KLHL32: variants seen among roughly 807,000 people sequenced by gnomAD.
KLHL32 encodes kelch like family member 32, also known as kelch-like protein 32.
Under a neutral mutation model 64.8 loss-of-function variants are expected in KLHL32, and 35 were observed. The ratio of observed to expected loss-of-function variants is 0.54; its 90% CI spans 0.41 to 0.72. The LOEUF (loss-of-function observed/expected upper bound fraction) is 0.72. Among genes scored for constraint, KLHL32 ranks in the 30% least tolerant of loss-of-function variants. The pLI is 0.00. For synonymous variants in KLHL32, 259 were observed against 281.0 expected (o/e 0.92, Z 0.78); for missense variants, 589 against 768.5 (o/e 0.77, Z 2.76).
intron 7 of KLHL32, among the ~76,000 whole-genome samples, chr6:97,124,576 G>A (rs893090438): frequency 6.6e-6 from 1 of 152,150 alleles, no homozygotes; most frequent in African/African-American, 2.4e-5. Context: ...ATACAGTAGT[G>A]TAAGTATTTT....
intron 3 of KLHL32, among the ~76,000 whole-genome samples, chr6:97,015,842 C>T (rs952751401): frequency 2.6e-5 from 4 of 152,074 alleles, no homozygotes; most frequent in Admixed American, 6.6e-5. Context: ...TGGGTCGGCC[C>T]GTCACTATGT....
the KLHL32 span, among the ~76,000 whole-genome samples, chr6:96,904,693 A>G: frequency 2.2e-3 from 330 of 152,352 alleles, 10 homozygotes; most frequent in East Asian, 0.027. Context: ...AATAGCCAAT[A>G]GATTTTAGAA....
intron 7 of KLHL32, among the ~76,000 whole-genome samples, chr6:97,115,197 G>A (rs1306726504): frequency 6.6e-6 from 1 of 152,096 alleles, no homozygotes; most frequent in Non-Finnish European, 1.5e-5. Flanking sequence ...TGTAATTTTT[G>A]TCAAGGCAGG....
At chr6:97,024,658 G>A (rs1000830347) in intron 3 of KLHL32, among the ~76,000 whole-genome samples, 2 of 151,910 alleles carry the variant, frequency 1.3e-5, no homozygotes, top group Non-Finnish European at 2.9e-5. Context: ...TCATTATCGC[G>A]TTTATAATTA....
intron 2 of KLHL32, among the ~76,000 whole-genome samples, chr6:96,968,235 C>T (rs111972356): frequency 2.0e-5 from 3 of 152,088 alleles, no homozygotes; most frequent in Admixed American, 1.3e-4. Context: ...CACCAGTGTA[C>T]GTTGTGCAAT....
At chr6:96,928,821 G>A (rs1220566663) in intron 1 of KLHL32, among the ~76,000 whole-genome samples, 1 of 152,106 alleles carries the variant, frequency 6.6e-6, no homozygotes, top group African/African-American at 2.4e-5. Context: ...TTCTAGTAGA[G>A]TCATAGACTT....
intron 5 of KLHL32, among the ~76,000 whole-genome samples, chr6:97,077,761 T>A (rs1371411575): frequency 6.6e-6 from 1 of 152,222 alleles, no homozygotes; most frequent in Non-Finnish European, 1.5e-5. Context: ...TCATGTAAAG[T>A]CATAGATGTG....
At chr6:97,094,550 A>G (rs188775339) in intron 6 of KLHL32, among the ~76,000 whole-genome samples, 73 of 152,330 alleles carry the variant, frequency 4.8e-4, no homozygotes, top group African/African-American at 1.7e-3. Context: ...TGCATTCTCC[A>G]TGGTGAGGAT....
chr6:97,037,004 A>G lies in KLHL32; in HGVS notation c.205-4488A>G, dbSNP rs567568960. On this transcript the variant is annotated intron_variant, in intron 3 of 10. Coordinates refer to ENST00000369261, the MANE Select transcript of KLHL32 (RefSeq NM_052904.4). Reference sequence around the variant, plus strand: ...ACATCCTCAGTTCTAAAAAATGTTCAATTTTTAAAATTTATGATAAAGTAA... The same window carrying G: ...ACATCCTCAGTTCTAAAAAATGTTCGATTTTTAAAATTTATGATAAAGTAA... Among the ~76,000 whole-genome samples the G allele has an allele frequency of 2.0e-5, 3 of 152,354 alleles. No homozygotes were observed. The South Asian group carries it at 6.2e-4, about 32-fold the overall frequency.
At chr6:97,111,313 C>T (rs150347021) in intron 6 of KLHL32, among the ~76,000 whole-genome samples, 2 of 152,370 alleles carry the variant, frequency 1.3e-5, no homozygotes, top group East Asian at 3.9e-4. Flanking sequence ...GCATTTTACT[C>T]ACCCTTCTGA....
Position 97,053,038 on chromosome 6 carries a change from C to T in KLHL32, c.312+11439C>T, listed in dbSNP as rs186189108. On this transcript the variant is annotated intron_variant, in intron 4 of 10. Coordinates refer to ENST00000369261, the MANE Select transcript of KLHL32 (RefSeq NM_052904.4). ...CTTTTTCAGTTTTGATGCTAGGAAG[C>T]ATAGAGCCACATTGTGACCCACTTA... Among the ~76,000 whole-genome samples the T allele has an allele frequency of 1.5e-4, 23 of 152,072 alleles. 1 individual carries two copies. The East Asian group carries it at 3.7e-3, about 24-fold the overall frequency.
At chr6:96,915,185 A>G in the KLHL32 span, among the ~76,000 whole-genome samples, 4 of 152,102 alleles carry the variant, frequency 2.6e-5, no homozygotes, top group African/African-American at 9.7e-5. Flanking sequence ...ACTGAAATTT[A>G]TAATTTAATC....
intron 1 of KLHL32, among the ~76,000 whole-genome samples, chr6:96,936,858 C>T (rs149802161): frequency 5.8e-4 from 89 of 152,232 alleles, no homozygotes; most frequent in African/African-American, 2.0e-3. Context: ...GTAATACCCT[C>T]GGCCTGGAAT....
chr6:97,112,034 G>A (rs1172002531), intron 6 of KLHL32, among the ~76,000 whole-genome samples: 1 of 152,018 alleles, frequency 6.6e-6, no homozygotes, highest in Admixed American at 6.6e-5. Flanking sequence ...TACAGGATGG[G>A]GGGGTGGGGT....
At chr6:97,137,742 G>A (rs896667150) in intron 10 of KLHL32, among the ~76,000 whole-genome samples, 7 of 152,102 alleles carry the variant, frequency 4.6e-5, no homozygotes, top group Non-Finnish European at 8.8e-5. Context: ...CACCATGTTA[G>A]CCAGGATGGT....
rs1369006139 is a variant in KLHL32 at position 97,140,621 on chromosome 6, A to G, written c.*1339A>G. 1 of 152,018 alleles carries G rather than the reference A, an allele frequency of 6.6e-6. No individual in the cohort carries two copies. Among genetic ancestry groups the G allele is most frequent in the East Asian group, 1.9e-4 (1 of 5,200 alleles). The allele number at this position is 152,018 out of a possible 1,614,324, so 9.4% of individuals were successfully genotyped here. On this transcript the variant is annotated 3_prime_UTR_variant, in exon 11 of 11. Transcript: ENST00000369261. ...TCAGGACCTAGGTCACCTTTATTAA[A>G]AGGAAGAATTCACTCTTTTTTCCTT...
At chr6:97,074,300 T>C (rs930939600) in intron 5 of KLHL32, among the ~76,000 whole-genome samples, 1 of 152,180 alleles carries the variant, frequency 6.6e-6, no homozygotes, top group African/African-American at 2.4e-5. Context: ...GGGATGCTGA[T>C]GTCTGAACTA....
chr6:96,940,977 T>C (rs1439491610), intron 1 of KLHL32, among the ~76,000 whole-genome samples: 3 of 152,200 alleles, frequency 2.0e-5, no homozygotes, highest in Non-Finnish European at 4.4e-5. Flanking sequence ...ATGTGAAATG[T>C]ACAAATCAAA....
intron 1 of KLHL32, among the ~76,000 whole-genome samples, chr6:96,929,756 A>G (rs1291536876): frequency 6.6e-6 from 1 of 152,176 alleles, no homozygotes; most frequent in Non-Finnish European, 1.5e-5. Flanking sequence ...ATATGGCACT[A>G]TAAGTTTTGG....
Sources: gnomAD v4.1 joint callset for allele counts (sites outside exome capture counted in the v4.1 genomes callset) on GRCh38, gnomAD v4.1.1 for gene constraint, MANE v1.5 for transcripts, NCBI Gene and HGNC (gene_info 2026-07-23, HGNC 2026-07-21) for gene names.